The following PUDP variants were observed in gnomAD, a reference collection of about 807,000 sequenced individuals.
PUDP encodes pseudouridine 5'-phosphatase.
A neutral mutation model predicts 9.4 loss-of-function variants in PUDP; 8 were observed. The ratio of observed to expected loss-of-function variants is 0.85; its 90% confidence interval spans 0.50 to 1.53. PUDP has a LOEUF of 1.53. PUDP is among the 40% of genes most tolerant of loss of function. PUDP has a pLI of 0.00. For synonymous variants in PUDP, 99 were observed against 80.7 expected (o/e 1.23, Z -1.22); for missense variants, 188 against 189.7 (o/e 0.99, Z 0.05).
intron 3 of PUDP, among the ~76,000 whole-genome samples, chrX:6,929,819 T>C (rs1277410342): frequency 1.8e-5 from 2 of 111,929 alleles, no homozygotes; most frequent in East Asian, 5.6e-4. Flanking sequence ...CAAATTTAAC[T>C]GGGTGCCCTG....
intron 3 of PUDP, among the ~76,000 whole-genome samples, chrX:6,882,706 T>C (rs769278522): frequency 1.8e-5 from 2 of 109,749 alleles, no homozygotes; most frequent in East Asian, 5.7e-4. Context: ...ATCCCTGGGG[T>C]GGAGATGGGA....
chrX:6,927,325 C>T (rs763523773), intron 3 of PUDP, among the ~76,000 whole-genome samples: 24 of 111,860 alleles, frequency 2.1e-4, no homozygotes, highest in African/African-American at 7.8e-4. Flanking sequence ...AAAGCTACCC[C>T]GTGTTTTTAA....
At chrX:6,740,488 C>G (rs113371566) in intron 3 of PUDP, among the ~76,000 whole-genome samples, 5,894 of 111,403 alleles carry the variant, frequency 0.053, 188 homozygotes, top group African/African-American at 0.088. Context: ...TTATTTTTAT[C>G]AGATTTTATA....
intron 3 of PUDP, among the ~76,000 whole-genome samples, chrX:6,975,685 G>A (rs1017729547): frequency 3.6e-5 from 4 of 111,596 alleles, no homozygotes; most frequent in Non-Finnish European, 7.5e-5. Context: ...CAGGAGGCAC[G>A]GGGGTCAAGG....
chrX:6,801,568 T>TC (rs1034646930), intron 3 of PUDP, among the ~76,000 whole-genome samples: 4 of 110,487 alleles, frequency 3.6e-5, no homozygotes, highest in South Asian at 3.9e-4. Flanking sequence ...CAGAGGTCAG[T>TC]CCCCCTCGCC....
At chrX:6,773,356 T>A (rs12115936) in intron 3 of PUDP, among the ~76,000 whole-genome samples, 2,375 of 112,003 alleles carry the variant, frequency 0.021, 61 homozygotes, top group African/African-American at 0.071. Context: ...GGTACTGAAA[T>A]TTAGGGTTGC....
At chrX:6,824,801 C>T (rs987275348) in intron 3 of PUDP, among the ~76,000 whole-genome samples, 1 of 111,985 alleles carries the variant, frequency 8.9e-6, no homozygotes, top group Admixed American at 9.5e-5. Flanking sequence ...AGGCAATGGC[C>T]CCCACTTGGG....
intron 3 of PUDP, among the ~76,000 whole-genome samples, chrX:6,901,229 T>A (rs777283712): frequency 4.5e-5 from 5 of 111,976 alleles, no homozygotes; most frequent in African/African-American, 1.3e-4. Flanking sequence ...GCAGAGATGA[T>A]GTAAGATCAG....
chrX:6,736,032 CAAAA>C (rs35503536), intron 3 of PUDP, among the ~76,000 whole-genome samples: 2 of 88,237 alleles, frequency 2.3e-5, no homozygotes, highest in Non-Finnish European at 2.2e-5. Context: ...GACTTTGTCT[CAAAA>C]AAAAAAAAAA....
Position 7,116,830 on chromosome X carries a change from C to T in PUDP, c.62-10992G>A, listed in dbSNP as rs1229086029. On this transcript the variant is annotated intron_variant, in intron 1 of 3. Transcript: ENST00000381077. ...ATGGGGGCAGATCCTTCGCTTGGGC[C>T]ATCCTCCACTTGGTGATCAGTGAGC... 5 of 992,232 alleles carry T rather than the reference C, an allele frequency of 5.0e-6. No homozygotes were observed. In the Admixed American group the frequency reaches 1.3e-4, roughly 26 times the overall value. 81.8% of individuals were successfully genotyped at this position (992,232 alleles called of 1,213,427 possible). A position where few individuals can be genotyped will look rare whatever the true frequency, so the allele number is the denominator to read the frequency against.
chrX:6,863,797 A>C (rs1927039001), intron 3 of PUDP, among the ~76,000 whole-genome samples: 1 of 111,991 alleles, frequency 8.9e-6, no homozygotes, highest in South Asian at 3.7e-4. Flanking sequence ...CAGTTACACT[A>C]GTCTGGGTTG....
At chrX:7,090,467 T>C (rs563025079) in intron 2 of PUDP, among the ~76,000 whole-genome samples, 1 of 111,468 alleles carries the variant, frequency 9.0e-6, no homozygotes, top group African/African-American at 3.3e-5. Context: ...AAATCCCTAA[T>C]AGACAAAAAG....
chrX:7,046,911 T>A (rs1477646693), downstream of PUDP, among the ~76,000 whole-genome samples: 1 of 112,298 alleles, frequency 8.9e-6, no homozygotes, highest in Admixed American at 9.5e-5. Flanking sequence ...AAAAATTCAT[T>A]TCATATACCA....
intron 1 of PUDP, among the ~76,000 whole-genome samples, chrX:6,980,647 A>G (rs904593045): frequency 3.6e-5 from 4 of 110,035 alleles, no homozygotes; most frequent in African/African-American, 1.3e-4. Flanking sequence ...TGAGGATTCA[A>G]CCAACTATGG....
intron 3 of PUDP, among the ~76,000 whole-genome samples, chrX:6,926,403 G>A (rs1163015111): frequency 2.7e-5 from 3 of 112,014 alleles, no homozygotes; most frequent in East Asian, 2.8e-4. Flanking sequence ...AAGGAGGCAC[G>A]AATTGTGGAT....
At chrX:6,900,937 C>T (rs748949641) in intron 3 of PUDP, among the ~76,000 whole-genome samples, 35 of 109,936 alleles carry the variant, frequency 3.2e-4, no homozygotes, top group Non-Finnish European at 5.7e-4. Context: ...GCCACCACAC[C>T]CAGCTAATTT....
intron 1 of PUDP, among the ~76,000 whole-genome samples, chrX:7,003,101 G>A (rs1005406723): frequency 2.7e-5 from 3 of 112,032 alleles, no homozygotes; most frequent in South Asian, 3.7e-4. Context: ...TTCCTGAGAC[G>A]AAACAGTTTT....
chrX:7,056,264 G>A lies in PUDP; in HGVS notation c.511-5792C>T, dbSNP rs770008233. On this transcript the variant is annotated intron_variant, in intron 3 of 3. Transcript: ENST00000381077. Reference sequence around the variant, plus strand: ...TGCTCCTTTGAGGGTGGTGGCCAGGGACAGGGAAGGTGGAAGTGCCCACGG... The same window carrying A: ...TGCTCCTTTGAGGGTGGTGGCCAGGAACAGGGAAGGTGGAAGTGCCCACGG... Among the ~76,000 whole-genome samples, 5 of 112,180 alleles carry A rather than the reference G, an allele frequency of 4.5e-5. No individual in the cohort carries two copies. The East Asian group carries it at 1.4e-3, about 32-fold the overall frequency.
chrX:6,786,829 T>A (rs1925655182), intron 3 of PUDP, among the ~76,000 whole-genome samples: 1 of 112,095 alleles, frequency 8.9e-6, no homozygotes, highest in East Asian at 2.8e-4. Flanking sequence ...ACATTCTACA[T>A]CTTTAAAAGT....
Sources: allele counts gnomAD v4.1 joint callset (sites outside exome capture counted in the v4.1 genomes callset), GRCh38; gene constraint gnomAD v4.1.1; transcripts MANE v1.5; gene names NCBI Gene and HGNC (gene_info 2026-07-23, HGNC 2026-07-21).